SIDT1: variants seen among roughly 807,000 people sequenced by gnomAD.
SIDT1 encodes the protein SID1 transmembrane family member 1, also known as SID1 transmembrane family, member 1.
Under a neutral mutation model 107.5 loss-of-function variants are expected in SIDT1, and 101 were observed. The ratio of observed to expected loss-of-function variants is 0.94; its 90% confidence interval spans 0.80 to 1.11. The LOEUF is 1.11. SIDT1 is among the 50% of genes least tolerant of loss of function. SIDT1 has a pLI of 0.00. For missense variants in SIDT1, 1,076 were observed against 1,058.2 expected (o/e 1.02, Z -0.23); for synonymous variants, 395 against 398.2 (o/e 0.99, Z 0.10).
intron 7 of SIDT1, 67 bp from the exon 8 acceptor site, chr3:113,584,631 A>G (rs1171570852): frequency 1.8e-6 from 2 of 1,112,776 alleles, no homozygotes; most frequent in Non-Finnish European, 2.7e-6. Context: ...CAGTTCAGAC[A>G]AGAGACCAAA....
intron 1 of SIDT1, among the ~76,000 whole-genome samples, chr3:113,564,949 A>G (rs1031490546): frequency 6.6e-6 from 1 of 152,242 alleles, no homozygotes; most frequent in Admixed American, 6.5e-5. Context: ...AAAGCAATGC[A>G]GTGGCTTAAG....
chr3:113,566,340 G>GTT, intron 1 of SIDT1, 80 bp from the exon 2 acceptor site: 1 of 243,010 alleles, frequency 4.1e-6, no homozygotes, highest in Non-Finnish European at 6.3e-6. Flanking sequence ...GTGTGTGTTT[G>GTT]TGTGTGTGTG....
rs141331686 is a variant in SIDT1 at position 113,533,202 on chromosome 3, G to C, written c.181G>C (p.Glu61Gln). 15 of 1,541,764 alleles carry C rather than the reference G, an allele frequency of 9.7e-6. No individual in the cohort carries two copies. The African/African-American group carries it at 2.1e-4, about 22-fold the overall frequency. The change falls in exon 1 of 25, where the codon GAG (glutamate) becomes CAG (glutamine). Residue 61 changes from glutamate to glutamine, a missense_variant. Transcript: ENST00000264852. Reference protein sequence around the residue: ...VYSGVVNLSTENIYSFNYTSQ... With the variant: ...VYSGVVNLSTQNIYSFNYTSQ... The stretch of plus-strand genomic sequence containing the variant: ...CAGCGGGGTGGTGAACCTCAGCACC[G>C]AGAACATCTACTCTTTCAACTACAC...
At chr3:113,623,765 CCT>C (rs753264289) in intron 23 of SIDT1, 32 bp downstream of exon 23, 8 of 1,466,714 alleles carry the variant, frequency 5.5e-6, no homozygotes, top group South Asian at 2.3e-5. Flanking sequence ...CCAAAAACAA[CCT>C]CTCTCTCCAA....
chr3:113,623,537 G>C lies in SIDT1; in HGVS notation c.2196+5G>C, dbSNP rs12492898. 1 of 1,612,020 alleles carries C rather than the reference G, an allele frequency of 6.2e-7. No individual in the cohort carries two copies. Among genetic ancestry groups the C allele is most frequent in the East Asian group, 2.2e-5 (1 of 44,870 alleles). On this transcript the variant is annotated splice_donor_5th_base_variant and intron_variant, in intron 22 of 24. Coordinates refer to ENST00000264852, the MANE Select transcript of SIDT1 (RefSeq NM_017699.3). ...GCCTTTTACATCATCATGAAGGTAA[G>C]AGCGGGTGCCGGGAGCGGCTACCTC... is the stretch of plus-strand genomic sequence containing the variant.
rs61299722 is a variant in SIDT1 at position 113,584,445 on chromosome 3, A to G, written c.836-253A>G. The stretch of plus-strand genomic sequence containing the variant: ...GAAGGGAGGCCGCAATCTTGTTTGC[A>G]TCTGTTAGTGGTACCAAAATGCACA... On this transcript the variant is annotated intron_variant, in intron 7 of 24. Transcript: ENST00000264852. Among the ~76,000 whole-genome samples the G allele has an allele frequency of 9.1e-3, 1,387 of 152,324 alleles. 18 individuals are homozygous for G. Among genetic ancestry groups the G allele is most frequent in the African/African-American group, 0.032 (1,316 of 41,560 alleles).
intron 3 of SIDT1, 139 bp from the exon 4 acceptor site, chr3:113,576,783 C>T (rs989623455): frequency 5.9e-6 from 5 of 843,428 alleles, no homozygotes; most frequent in East Asian, 2.4e-5. Flanking sequence ...TTCACGGAAC[C>T]GGAACTCCCC....
In SIDT1 at chr3:113,601,617, A is replaced by G. The variant is rs1944965823; in HGVS notation, c.1075A>G (p.Ile359Val). 6.2e-7 allele frequency: 1 copy of G among 1,613,820 alleles called. No homozygotes were observed. The highest frequency in any genetic ancestry group is 1.3e-5 in the African/African-American group (1 of 74,918). The change falls in exon 11 of 25, where the codon ATT (isoleucine) becomes GTT (valine). Residue 359 changes from isoleucine (I) to valine (V), a missense_variant. Physicochemically the swap from Ile to Val is conservative, Grantham distance 29. Coordinates refer to ENST00000264852, the MANE Select transcript of SIDT1 (RefSeq NM_017699.3). ...GSGNMVASHP[I>V]AASTPEGSNY... ...TGGAAATATGGTGGCATCTCATCCC[A>G]TTGCTGCCAGCACACCCGAAGGGAG...
At chr3:113,600,048 G>A (rs149232324) in intron 10 of SIDT1, among the ~76,000 whole-genome samples, 227 of 152,010 alleles carry the variant, frequency 1.5e-3, no homozygotes, top group African/African-American at 5.2e-3. Context: ...GGTGGCTCAC[G>A]CCTGTAATCC....
At chr3:113,623,784 AT>A in intron 23 of SIDT1, 51 bp downstream of exon 23, 1 of 1,311,090 alleles carries the variant, frequency 7.6e-7, no homozygotes. Flanking sequence ...CCAACTTGCC[AT>A]TTTGGCCTTT....
intron 1 of SIDT1, among the ~76,000 whole-genome samples, chr3:113,558,867 T>G (rs1348277605): frequency 6.6e-6 from 1 of 152,234 alleles, no homozygotes; most frequent in Non-Finnish European, 1.5e-5. Flanking sequence ...AGTATATATA[T>G]TTTACTGAAG....
chr3:113,580,853 G>C lies in SIDT1; in HGVS notation c.663+144G>C, dbSNP rs115520204. 3.1e-3 allele frequency: 1,842 copies of C among 592,700 alleles called. 26 individuals are homozygous for C. Among genetic ancestry groups the C allele is most frequent in the African/African-American group, 0.029 (1,582 of 54,350 alleles). The allele number at this position is 592,700 out of a possible 1,614,324, so 36.7% of individuals were successfully genotyped here. ...TAAACAATACGAACAGTATCTGTGA[G>C]CACGAGTGGGCAGACTGTGTTTGCA... On this transcript the variant is annotated intron_variant, in intron 5 of 24. Coordinates refer to ENST00000264852, the MANE Select transcript of SIDT1 (RefSeq NM_017699.3).
At chr3:113,565,795 A>C (rs1941846876) in intron 1 of SIDT1, among the ~76,000 whole-genome samples, 1 of 152,198 alleles carries the variant, frequency 6.6e-6, no homozygotes, top group Non-Finnish European at 1.5e-5. Context: ...TGGTGGGAAC[A>C]TCAGGCCATC....
chr3:113,541,628 A>G (rs746408023), intron 1 of SIDT1, among the ~76,000 whole-genome samples: 15 of 152,184 alleles, frequency 9.9e-5, no homozygotes, highest in African/African-American at 3.4e-4. Flanking sequence ...TTTTGCACCA[A>G]TCTGAGACTT....
chr3:113,596,807 G>A (rs1944588893), intron 10 of SIDT1, among the ~76,000 whole-genome samples: 1 of 152,198 alleles, frequency 6.6e-6, no homozygotes, highest in South Asian at 2.1e-4. Flanking sequence ...ACCAGGAACT[G>A]GGGTACAACA....
At chr3:113,549,725 A>G (rs571290050) in intron 1 of SIDT1, among the ~76,000 whole-genome samples, 1 of 152,298 alleles carries the variant, frequency 6.6e-6, no homozygotes, top group South Asian at 2.1e-4. Context: ...AGTATCTTAC[A>G]CAGATCAGAT....
chr3:113,603,593 C>T (rs763098042), intron 12 of SIDT1, among the ~76,000 whole-genome samples: 1 of 152,144 alleles, frequency 6.6e-6, no homozygotes, highest in Non-Finnish European at 1.5e-5. Context: ...ACAGTTTCAG[C>T]CCTATGTAGT....
At chr3:113,582,610 C>T (rs1943443815) in intron 6 of SIDT1, among the ~76,000 whole-genome samples, 1 of 152,156 alleles carries the variant, frequency 6.6e-6, no homozygotes, top group Non-Finnish European at 1.5e-5. Flanking sequence ...TAACTCTCTT[C>T]CCTGGATGTG....
chr3:113,553,342 TTA>T (rs1230929796), intron 1 of SIDT1, among the ~76,000 whole-genome samples: 1 of 152,064 alleles, frequency 6.6e-6, no homozygotes, highest in Non-Finnish European at 1.5e-5. Context: ...TGGCAATAAA[TTA>T]TATCACAAAA....
Sources: allele counts gnomAD v4.1 joint callset (sites outside exome capture counted in the v4.1 genomes callset), GRCh38; gene constraint gnomAD v4.1.1; transcripts MANE v1.5; gene names NCBI Gene and HGNC (gene_info 2026-07-23, HGNC 2026-07-21).